The following KMT2C variants were observed in gnomAD, a reference collection of about 807,000 sequenced individuals.
KMT2C encodes the protein lysine methyltransferase 2C, also known as histone-lysine N-methyltransferase 2C.
KMT2C carries 88 observed loss-of-function variants against 507.9 expected under a neutral mutation model. The observed-to-expected ratio is 0.17, with a 90% confidence interval of 0.15 to 0.21. KMT2C has a LOEUF of 0.21. Among genes scored for constraint, KMT2C ranks in the 10% least tolerant of loss-of-function variants. The pLI is 1.00. For missense variants in KMT2C, 4,954 were observed against 5,957.8 expected (o/e 0.83, Z 5.55); for synonymous variants, 2,049 against 2,080.8 (o/e 0.98, Z 0.42).
intron 1 of KMT2C, among the ~76,000 whole-genome samples, chr7:152,390,219 T>A (rs749841109): frequency 5.0e-5 from 4 of 79,228 alleles, no homozygotes; most frequent in Non-Finnish European, 9.4e-5. Context: ...ATAAAATAAA[T>A]TTTTTTTTAA....
chr7:152,242,074 T>C (rs1239498719), intron 14 of KMT2C, among the ~76,000 whole-genome samples: 1 of 152,160 alleles, frequency 6.6e-6, no homozygotes, highest in East Asian at 1.9e-4. Context: ...TAAATTATCC[T>C]TCAGATCTTA....
At chr7:152,215,996 T>C (rs4024333) in intron 23 of KMT2C, among the ~76,000 whole-genome samples, 1 of 152,178 alleles carries the variant, frequency 6.6e-6, no homozygotes, top group Admixed American at 6.6e-5. Flanking sequence ...ACCAGATGGA[T>C]AGTCTACCTC....
chr7:152,236,638 C>T (rs1588472062), intron 15 of KMT2C, among the ~76,000 whole-genome samples: 1 of 152,320 alleles, frequency 6.6e-6, no homozygotes, highest in African/African-American at 2.4e-5. Context: ...CTCTTATGAA[C>T]TCAACATTTC....
intron 16 of KMT2C, among the ~76,000 whole-genome samples, chr7:152,233,125 A>G (rs1235044640): frequency 6.6e-6 from 1 of 152,208 alleles, no homozygotes; most frequent in Non-Finnish European, 1.5e-5. Flanking sequence ...GTCATATTTA[A>G]ATAATAAGTG....
intron 52 of KMT2C, among the ~76,000 whole-genome samples, chr7:152,147,158 CT>C (rs35312668): frequency 0.011 from 1,560 of 146,164 alleles, 27 homozygotes; most frequent in African/African-American, 0.035. Flanking sequence ...TATTTTCAGA[CT>C]TTTTTTTTTT....
At chr7:152,234,276 G>C (rs1324556354) in intron 16 of KMT2C, among the ~76,000 whole-genome samples, 1 of 152,140 alleles carries the variant, frequency 6.6e-6, no homozygotes, top group Non-Finnish European at 1.5e-5. Context: ...CAGCTACCCA[G>C]GGGGCTGAGG....
intron 1 of KMT2C, among the ~76,000 whole-genome samples, chr7:152,415,154 G>A (rs959215509): frequency 6.6e-6 from 1 of 152,124 alleles, no homozygotes; most frequent in Non-Finnish European, 1.5e-5. Context: ...TTTTCTGGAT[G>A]AAAGAGAGGA....
At chr7:152,151,875 G>A (rs2091653039) in intron 49 of KMT2C, among the ~76,000 whole-genome samples, 1 of 152,148 alleles carries the variant, frequency 6.6e-6, no homozygotes, top group Non-Finnish European at 1.5e-5. Context: ...TAAGTACAAA[G>A]TAAGACAGAG....
intron 14 of KMT2C, among the ~76,000 whole-genome samples, chr7:152,246,883 C>A (rs1362013301): frequency 1.3e-5 from 2 of 152,032 alleles, no homozygotes; most frequent in Non-Finnish European, 2.9e-5. Flanking sequence ...CTTTCGTGTA[C>A]CTTGTCTTTA....
At chr7:152,258,945 G>T (rs2095709626) in intron 9 of KMT2C, among the ~76,000 whole-genome samples, 1 of 152,122 alleles carries the variant, frequency 6.6e-6, no homozygotes, top group Non-Finnish European at 1.5e-5. Flanking sequence ...AAAGAAATTG[G>T]ACAACAGCCT....
intron 1 of KMT2C, among the ~76,000 whole-genome samples, chr7:152,396,658 C>T (rs1564109698): frequency 6.6e-6 from 1 of 152,114 alleles, no homozygotes; most frequent in African/African-American, 2.4e-5. Context: ...AACAAAGTGC[C>T]AAAGTGATTT....
At chr7:152,320,724 T>C (rs2096765666) in intron 3 of KMT2C, among the ~76,000 whole-genome samples, 1 of 152,034 alleles carries the variant, frequency 6.6e-6, no homozygotes. Context: ...TATTTATTAA[T>C]TACCTGAGCA....
At chr7:152,301,838 C>G (rs1458119064) in intron 6 of KMT2C, among the ~76,000 whole-genome samples, 1 of 152,068 alleles carries the variant, frequency 6.6e-6, no homozygotes, top group Admixed American at 6.5e-5. Context: ...AGCAAATTAC[C>G]TTACGTAAAG....
In KMT2C at chr7:152,149,132, T is replaced by C. The variant is rs2091396036; in HGVS notation, c.12795A>G (p.Pro4265=). The C allele has an allele frequency of 2.1e-6, 3 of 1,461,384 alleles. No individual in the cohort carries two copies. 90.5% of individuals were successfully genotyped at this position (1,461,384 alleles called of 1,614,324 possible). A position where few individuals can be genotyped will look rare whatever the true frequency, so the allele number is the denominator to read the frequency against. The part of the protein sequence containing the change: ...SENKESIPSL[P]QSPMRETPSK... ...AAGGCGTTTCTCTCATAGGTGATTG[T>C]GGCAATGAAGGAATGGATTCCTGGG... is the stretch of plus-strand genomic sequence containing the variant. Residue 4265 remains proline, a synonymous_variant, in exon 52 of 59, where the codon CCA becomes CCG. Transcript: ENST00000262189.
At chr7:152,428,028 G>GT (rs2097836633) in intron 1 of KMT2C, among the ~76,000 whole-genome samples, 1 of 151,990 alleles carries the variant, frequency 6.6e-6, no homozygotes, top group African/African-American at 2.4e-5. Context: ...TTACCACAGT[G>GT]TTTTTTTAAT....
chr7:152,378,102 T>C (rs1243974040), intron 1 of KMT2C, among the ~76,000 whole-genome samples: 1 of 152,210 alleles, frequency 6.6e-6, no homozygotes, highest in Non-Finnish European at 1.5e-5. Context: ...AATCTACTCC[T>C]GGTGAAGAGG....
intron 21 of KMT2C, among the ~76,000 whole-genome samples, chr7:152,222,361 T>C (rs536175197): frequency 6.6e-6 from 1 of 152,350 alleles, no homozygotes; most frequent in East Asian, 1.9e-4. Context: ...ACATCTAAAG[T>C]ATATGCTTTT....
intron 1 of KMT2C, among the ~76,000 whole-genome samples, chr7:152,369,800 A>T (rs748382567): frequency 6.6e-6 from 1 of 152,222 alleles, no homozygotes; most frequent in Non-Finnish European, 1.5e-5. Flanking sequence ...CAGAACCATA[A>T]ACCAAATAAA....
At chr7:152,292,565 C>G (rs1431315781) in intron 6 of KMT2C, among the ~76,000 whole-genome samples, 4 of 152,108 alleles carry the variant, frequency 2.6e-5, no homozygotes, top group Non-Finnish European at 4.4e-5. Flanking sequence ...AAATATTATT[C>G]CCTTTTAAAT....
Sources: gnomAD v4.1 joint callset for allele counts (sites outside exome capture counted in the v4.1 genomes callset) on GRCh38, gnomAD v4.1.1 for gene constraint, MANE v1.5 for transcripts, NCBI Gene and HGNC (gene_info 2026-07-23, HGNC 2026-07-21) for gene names.